MGLL: variants seen among roughly 807,000 people sequenced by gnomAD.
MGLL encodes lysophospholipase homolog.
In MGLL, 7 loss-of-function variants were observed where a neutral mutation model predicts 29.1. The ratio of observed to expected loss-of-function variants is 0.24; its 90% confidence interval spans 0.14 to 0.45. The LOEUF is 0.45. MGLL is among the 20% of genes least tolerant of loss of function. The pLI is 0.99. For synonymous variants in MGLL, 148 were observed against 168.3 expected (o/e 0.88, Z 0.93); for missense variants, 356 against 413.6 (o/e 0.86, Z 1.21).
intron 3 of MGLL, among the ~76,000 whole-genome samples, chr3:127,742,629 G>A (rs1326603501): frequency 1.4e-5 from 2 of 142,170 alleles, no homozygotes; most frequent in African/African-American, 5.1e-5. Flanking sequence ...AGAAGGCATT[G>A]TTTTGGTCTG....
intron 6 of MGLL, among the ~76,000 whole-genome samples, chr3:127,708,563 T>C (rs2075648201): frequency 6.6e-6 from 1 of 152,208 alleles, no homozygotes; most frequent in Admixed American, 6.5e-5. Context: ...TGGAATCTCT[T>C]TTTAGTACCT....
chr3:127,759,244 G>A (rs1215380014), intron 3 of MGLL, among the ~76,000 whole-genome samples: 1 of 152,162 alleles, frequency 6.6e-6, no homozygotes. Flanking sequence ...ATTTCTCACA[G>A]CGTCCATTAT....
At chr3:127,751,047 C>G (rs1205947691) in intron 3 of MGLL, among the ~76,000 whole-genome samples, 1 of 152,162 alleles carries the variant, frequency 6.6e-6, no homozygotes, top group Non-Finnish European at 1.5e-5. Flanking sequence ...AGTGGTGTTT[C>G]TGGGTGTCTG....
chr3:127,729,010 T>C (rs565158160), intron 3 of MGLL, among the ~76,000 whole-genome samples: 3 of 152,294 alleles, frequency 2.0e-5, no homozygotes, highest in African/African-American at 7.2e-5. Context: ...TGCTCATTTT[T>C]TTCTATGGGG....
At chr3:127,748,035 C>T (rs567816918) in intron 3 of MGLL, among the ~76,000 whole-genome samples, 6 of 152,256 alleles carry the variant, frequency 3.9e-5, no homozygotes, top group South Asian at 4.1e-4. Context: ...GGAGCCACAG[C>T]GTCTGGTATT....
chr3:127,793,630 C>T (rs1042657920), intron 2 of MGLL, among the ~76,000 whole-genome samples: 6 of 152,288 alleles, frequency 3.9e-5, no homozygotes, highest in Admixed American at 2.0e-4. Flanking sequence ...GGTGCAATCT[C>T]GGCTCACTGC....
At chr3:127,807,230 C>A (rs1188247371) in intron 2 of MGLL, among the ~76,000 whole-genome samples, 3 of 152,056 alleles carry the variant, frequency 2.0e-5, no homozygotes, top group Non-Finnish European at 4.4e-5. Context: ...TTGTTCATTT[C>A]ATTTATGTTA....
chr3:127,794,606 A>AAGGCTATCTTCTGTGATGTC (rs2077354639), intron 2 of MGLL, among the ~76,000 whole-genome samples: 1 of 151,952 alleles, frequency 6.6e-6, no homozygotes, highest in African/African-American at 2.4e-5. Flanking sequence ...TCTGTGATGT[A>AAGGCTATCTTCTGTGATGTC]AGGCTATCTT....
At chr3:127,753,028 G>C (rs2076588274) in intron 3 of MGLL, among the ~76,000 whole-genome samples, 1 of 152,168 alleles carries the variant, frequency 6.6e-6, no homozygotes, top group South Asian at 2.1e-4. Flanking sequence ...ATTTTCTACT[G>C]TTGTATTATA....
At chr3:127,710,483 G>A in intron 6 of MGLL, 93 bp downstream of exon 6, 1 of 1,132,432 alleles carries the variant, frequency 8.8e-7, no homozygotes, top group Non-Finnish European at 1.3e-6. Flanking sequence ...TCGGTGAAAG[G>A]GCAGCAGAGA....
intron 2 of MGLL, among the ~76,000 whole-genome samples, chr3:127,794,130 C>T (rs1347765962): frequency 2.0e-5 from 3 of 151,786 alleles, no homozygotes; most frequent in South Asian, 2.1e-4. Flanking sequence ...GCCAACATGG[C>T]GAAACCCCAT....
At chr3:127,760,497 G>A (rs902839392) in intron 3 of MGLL, among the ~76,000 whole-genome samples, 2 of 152,236 alleles carry the variant, frequency 1.3e-5, no homozygotes, top group Admixed American at 6.5e-5. Context: ...AGGCTCAGGC[G>A]CCACCTCTGG....
intron 2 of MGLL, among the ~76,000 whole-genome samples, chr3:127,805,832 G>C (rs570784083): frequency 4.6e-5 from 7 of 152,242 alleles, no homozygotes; most frequent in Non-Finnish European, 1.0e-4. Flanking sequence ...TAAAGCCAGA[G>C]AAGTATCTAG....
rs185276193 is a variant in MGLL at position 127,798,285 on chromosome 3, G to A, written c.156-16390C>T. Among the ~76,000 whole-genome samples the A allele has an allele frequency of 3.9e-3, 590 of 152,240 alleles. 4 individuals carry two copies. The highest frequency in any genetic ancestry group is 0.013 in the African/African-American group (547 of 41,530). ...AGGAGCCTGTTCAGGTTCTCTATGC[G>A]TCAGACTCTAGCCCATGAAGTGAAT... On this transcript the variant is annotated intron_variant, in intron 2 of 7. Coordinates refer to ENST00000265052, the MANE Select transcript of MGLL (RefSeq NM_007283.7).
chr3:127,750,641 C>T (rs1439805101), intron 3 of MGLL, among the ~76,000 whole-genome samples: 1 of 151,718 alleles, frequency 6.6e-6, no homozygotes, highest in African/African-American at 2.4e-5. Context: ...CTGACACACA[C>T]ACACACACCA....
intron 3 of MGLL, among the ~76,000 whole-genome samples, chr3:127,778,129 G>C (rs1375297120): frequency 6.6e-6 from 1 of 152,232 alleles, no homozygotes; most frequent in Non-Finnish European, 1.5e-5. Context: ...TGAGCAATGA[G>C]ACCCATGGTA....
intron 3 of MGLL, among the ~76,000 whole-genome samples, chr3:127,754,358 G>GA (rs34543777): frequency 0.34 from 50,964 of 148,936 alleles, 9,079 homozygotes; most frequent in Non-Finnish European, 0.42. Flanking sequence ...AAATAAGAAA[G>GA]AAAAAAAAAA....
At chr3:127,737,227 C>T (rs2076257296) in intron 3 of MGLL, among the ~76,000 whole-genome samples, 1 of 151,176 alleles carries the variant, frequency 6.6e-6, no homozygotes, top group African/African-American at 2.4e-5. Context: ...CCTGTGTGCC[C>T]TGCTCTGTGC....
chr3:127,784,837 G>T (rs2077186277), intron 2 of MGLL, among the ~76,000 whole-genome samples: 1 of 152,146 alleles, frequency 6.6e-6, no homozygotes, highest in African/African-American at 2.4e-5. Flanking sequence ...TAGGGTGTTT[G>T]GTAAATCTGT....
Sources: gnomAD v4.1 joint callset for allele counts (sites outside exome capture counted in the v4.1 genomes callset) on GRCh38, gnomAD v4.1.1 for gene constraint, MANE v1.5 for transcripts, NCBI Gene and HGNC (gene_info 2026-07-23, HGNC 2026-07-21) for gene names.